Variants in PARD3B observed in about 807,000 individuals in gnomAD.
The protein encoded by PARD3B is par-3 family cell polarity regulator beta.
PARD3B carries 103 observed loss-of-function variants against 130.2 expected under a neutral mutation model. The ratio of observed to expected loss-of-function variants is 0.79; its 90% CI spans 0.67 to 0.93. The LOEUF (loss-of-function observed/expected upper bound fraction) is 0.93, where lower values mean the gene tolerates loss of function less well. Among genes scored for constraint, PARD3B ranks in the 40% least tolerant of loss-of-function variants. PARD3B has a pLI of 0.00. For synonymous variants in PARD3B, 583 were observed against 553.2 expected (o/e 1.05, Z -0.76); for missense variants, 1,609 against 1,499.2 (o/e 1.07, Z -1.21).
intron 1 of PARD3B, among the ~76,000 whole-genome samples, chr2:204,666,937 A>C (rs1251036867): frequency 1.3e-5 from 2 of 152,182 alleles, no homozygotes; most frequent in Non-Finnish European, 2.9e-5. Context: ...CTGAGTGAAC[A>C]TTGAGGGATT....
At chr2:205,204,261 G>A (rs1460181778) in intron 15 of PARD3B, among the ~76,000 whole-genome samples, 1 of 152,206 alleles carries the variant, frequency 6.6e-6, no homozygotes, top group East Asian at 1.9e-4. Flanking sequence ...CTTTTGAGAA[G>A]TGTCTGTTCA....
In PARD3B at chr2:205,406,241, T is replaced by C. The variant is rs969809136; in HGVS notation, c.2741+5118T>C. Among the ~76,000 whole-genome samples, 7 of 152,220 alleles carry C rather than the reference T, an allele frequency of 4.6e-5. No homozygotes were observed. The South Asian group carries it at 1.0e-3, about 23-fold the overall frequency. On this transcript the variant is annotated intron_variant, in intron 19 of 22. Transcript: ENST00000406610. ...TCAGTTTATTTGCTTATTCATCCAT[T>C]CATTTATTTACTTTTTTGAAAACAA...
At chr2:204,680,526 G>C (rs1022785621) in intron 1 of PARD3B, among the ~76,000 whole-genome samples, 2 of 151,430 alleles carry the variant, frequency 1.3e-5, no homozygotes, top group African/African-American at 4.8e-5. Context: ...TTTATTTGTT[G>C]TTTTTTTATT....
intron 21 of PARD3B, among the ~76,000 whole-genome samples, chr2:205,501,176 G>A (rs1187279199): frequency 2.0e-5 from 3 of 152,138 alleles, no homozygotes; most frequent in Admixed American, 6.6e-5. Flanking sequence ...GTTGGGCAGA[G>A]CAACCGGAAC....
intron 2 of PARD3B, among the ~76,000 whole-genome samples, chr2:204,883,449 AT>A (rs2046144522): frequency 2.0e-5 from 2 of 102,406 alleles, no homozygotes; most frequent in African/African-American, 1.0e-4. Context: ...ATATATATAT[AT>A]ATATATTTTT....
chr2:204,676,673 T>G (rs979197058), intron 1 of PARD3B, among the ~76,000 whole-genome samples: 8 of 147,472 alleles, frequency 5.4e-5, no homozygotes, highest in African/African-American at 2.0e-4. Flanking sequence ...ATTGTTTTTT[T>G]TTTTTTTTTT....
intron 20 of PARD3B, among the ~76,000 whole-genome samples, chr2:205,483,180 G>C (rs987793549): frequency 1.3e-5 from 2 of 152,116 alleles, no homozygotes; most frequent in African/African-American, 4.8e-5. Context: ...TTTGTTTGCT[G>C]TATTCCCATT....
intron 19 of PARD3B, among the ~76,000 whole-genome samples, chr2:205,404,304 A>G (rs995473027): frequency 7.2e-5 from 11 of 152,216 alleles, no homozygotes; most frequent in East Asian, 1.9e-4. Context: ...AGGCACTGTA[A>G]TAGGTATTAT....
intron 22 of PARD3B, among the ~76,000 whole-genome samples, chr2:205,603,902 G>C (rs2054885451): frequency 6.6e-6 from 1 of 152,136 alleles, no homozygotes; most frequent in Non-Finnish European, 1.5e-5. Flanking sequence ...ATGCTAGCTG[G>C]TTATTTTGCA....
intron 2 of PARD3B, among the ~76,000 whole-genome samples, chr2:204,909,491 AAT>A (rs1236624629): frequency 6.6e-6 from 1 of 152,176 alleles, no homozygotes; most frequent in Non-Finnish European, 1.5e-5. Flanking sequence ...AATATAGATA[AAT>A]ATAAAGTTCA....
At position 204,554,749 on chromosome 2, in the gene PARD3B, A is replaced by G. The variant is rs536105437; in HGVS notation, c.120+8630A>G. On this transcript the variant is annotated intron_variant, in intron 1 of 22. Coordinates refer to ENST00000406610, the MANE Select transcript of PARD3B (RefSeq NM_001302769.2). The stretch of plus-strand genomic sequence containing the variant: ...GTCATTCTTCTACTGAAGATCTTCC[A>G]ATGGTGCACATCTCTCCTAAATGGC... Among the ~76,000 whole-genome samples, 5 of 152,196 alleles carry G rather than the reference A, an allele frequency of 3.3e-5. No homozygotes were observed. In the South Asian group the frequency reaches 1.0e-3, roughly 32 times the overall value.
intron 10 of PARD3B, among the ~76,000 whole-genome samples, chr2:205,137,036 T>C (rs954542109): frequency 6.6e-6 from 1 of 152,190 alleles, no homozygotes; most frequent in African/African-American, 2.4e-5. Flanking sequence ...TCATAGATAA[T>C]GCTAAGTGGT....
chr2:204,614,383 A>G (rs570772258), intron 1 of PARD3B, among the ~76,000 whole-genome samples: 16 of 152,290 alleles, frequency 1.1e-4, no homozygotes, highest in Non-Finnish European at 1.9e-4. Flanking sequence ...CAGACTAATC[A>G]TATTTCAAGG....
intron 3 of PARD3B, among the ~76,000 whole-genome samples, chr2:204,992,902 T>C (rs1323248229): frequency 7.2e-6 from 1 of 138,578 alleles, no homozygotes; most frequent in Non-Finnish European, 1.6e-5. Flanking sequence ...TGTATAAGAA[T>C]GCCTGTGATT....
intron 10 of PARD3B, among the ~76,000 whole-genome samples, chr2:205,133,654 A>G (rs188154666): frequency 3.3e-5 from 5 of 152,302 alleles, no homozygotes; most frequent in Admixed American, 3.3e-4. Flanking sequence ...TTCTGGGAAA[A>G]ATATTCTGTG....
Position 204,685,126 on chromosome 2 carries a change from G to A in PARD3B, c.121-1055G>A, listed in dbSNP as rs571262602. Among the ~76,000 whole-genome samples the A allele has an allele frequency of 4.6e-4, 70 of 152,162 alleles. 1 individual carries two copies. The South Asian group carries it at 0.015, about 32-fold the overall frequency. ...TATGAAATTGAAATTGAATTCCGTGGGTTATATTAGTTCTTATCCCTAATA... is the reference window on the plus strand; with the variant it reads ...TATGAAATTGAAATTGAATTCCGTGAGTTATATTAGTTCTTATCCCTAATA... On this transcript the variant is annotated intron_variant, in intron 1 of 22. Coordinates refer to ENST00000406610, the MANE Select transcript of PARD3B (RefSeq NM_001302769.2).
chr2:205,104,301 AG>A (rs1703036988), intron 4 of PARD3B, 124 bp from the exon 5 acceptor site: 1 of 638,064 alleles, frequency 1.6e-6, no homozygotes, highest in Non-Finnish European at 2.8e-6. Flanking sequence ...CAGTTTTCAA[AG>A]AAATTAGAGC....
intron 20 of PARD3B, among the ~76,000 whole-genome samples, chr2:205,468,089 C>A (rs1444145122): frequency 6.6e-6 from 1 of 152,182 alleles, no homozygotes; most frequent in East Asian, 1.9e-4. Context: ...TCTTGCTTTG[C>A]CCGAAAGGAA....
chr2:205,523,030 A>G (rs557796586), intron 21 of PARD3B, among the ~76,000 whole-genome samples: 3 of 151,654 alleles, frequency 2.0e-5, no homozygotes, highest in African/African-American at 7.2e-5. Context: ...TCTTAGGTCT[A>G]TCACTTATTA....
Sources: gnomAD v4.1 joint callset for allele counts (sites outside exome capture counted in the v4.1 genomes callset) on GRCh38, gnomAD v4.1.1 for gene constraint, MANE v1.5 for transcripts, NCBI Gene and HGNC (gene_info 2026-07-23, HGNC 2026-07-21) for gene names.